The following PAG1 variants were observed in gnomAD, a reference collection of about 807,000 sequenced individuals.
PAG1 encodes the protein phosphoprotein associated with glycosphingolipid-enriched microdomains 1.
A neutral mutation model predicts 31.7 loss-of-function variants in PAG1; 23 were observed. That is an observed-to-expected ratio of 0.73 (90% CI 0.52 to 1.03). The LOEUF (loss-of-function observed/expected upper bound fraction) is 1.03. Ranked by LOEUF, PAG1 falls within the 50% of genes least tolerant of loss-of-function variation. The pLI, the probability that PAG1 is intolerant of heterozygous loss-of-function variation, is 0.00. For synonymous variants in PAG1, 214 were observed against 210.3 expected, an observed-to-expected ratio of 1.02 and a Z score of -0.15; for missense variants, 473 against 540.7, an observed-to-expected ratio of 0.87 and a Z score of 1.24.
At chr8:81,017,829 T>TG (rs1159815999) in intron 3 of PAG1, among the ~76,000 whole-genome samples, 5 of 152,214 alleles carry the variant, frequency 3.3e-5, no homozygotes, top group Non-Finnish European at 5.9e-5. Context: ...AGGGTATACC[T>TG]GCACATGGGA....
chr8:81,014,082 T>C (rs1278224944), intron 3 of PAG1, among the ~76,000 whole-genome samples: 2 of 152,334 alleles, frequency 1.3e-5, no homozygotes, highest in East Asian at 3.9e-4. Context: ...TCTCAGATTT[T>C]GGGCTTACAA....
chr8:81,103,153 GGAA>G lies in PAG1; in HGVS notation c.-234+8435_-234+8437del, dbSNP rs1274483385. 2.0e-3 allele frequency among the ~76,000 whole-genome samples: 281 copies of G among 140,620 alleles called. 1 individual carries two copies. The highest frequency in any genetic ancestry group is 6.5e-3 in the African/African-American group (216 of 33,352). 92.3% of individuals were successfully genotyped at this position (140,620 alleles called of 152,430 possible). A position where few individuals can be genotyped will look rare whatever the true frequency, so the allele number is the denominator to read the frequency against. The stretch of plus-strand genomic sequence containing the variant: ...GAATGCAAAACATGTTCATTTTGTG[GGAA>G]AAAAAAAAAAAAAAGCAGATTTTCC... On this transcript the variant is annotated intron_variant, in intron 1 of 8. Coordinates refer to ENST00000220597, the MANE Select transcript of PAG1 (RefSeq NM_018440.4).
chr8:81,032,058 A>G (rs1478497621), intron 2 of PAG1, among the ~76,000 whole-genome samples: 1 of 152,202 alleles, frequency 6.6e-6, no homozygotes, highest in African/African-American at 2.4e-5. Flanking sequence ...ACCGCAGAAA[A>G]AGTTAATGCA....
At chr8:81,106,715 G>T (rs1809699043) in intron 1 of PAG1, among the ~76,000 whole-genome samples, 1 of 152,090 alleles carries the variant, frequency 6.6e-6, no homozygotes, top group African/African-American at 2.4e-5. Flanking sequence ...AAAAATAGAG[G>T]GGGCAGGGCT....
At chr8:81,000,454 G>T (rs1034746351) in intron 3 of PAG1, among the ~76,000 whole-genome samples, 1 of 151,856 alleles carries the variant, frequency 6.6e-6, no homozygotes, top group Non-Finnish European at 1.5e-5. Context: ...TTCCTCTGTC[G>T]CCCAGGCTGG....
intron 1 of PAG1, among the ~76,000 whole-genome samples, chr8:81,077,635 C>A (rs551382070): frequency 6.6e-6 from 1 of 151,398 alleles, no homozygotes; most frequent in African/African-American, 2.4e-5. Flanking sequence ...GTTTTTTTTT[C>A]GCATTTAGAA....
At chr8:81,074,220 C>T (rs755871242) in intron 1 of PAG1, among the ~76,000 whole-genome samples, 4 of 152,108 alleles carry the variant, frequency 2.6e-5, no homozygotes, top group Non-Finnish European at 5.9e-5. Flanking sequence ...CCTGTGAGCA[C>T]AGTGATGTGT....
chr8:81,042,107 A>G (rs2623026), intron 2 of PAG1, among the ~76,000 whole-genome samples: 26,743 of 152,200 alleles, frequency 0.18, 2,370 homozygotes, highest in Middle Eastern at 0.26. Flanking sequence ...GTGACAGAAC[A>G]AGATTTGGGA....
chr8:80,985,515 T>C, intron 6 of PAG1, 138 bp from the exon 7 acceptor site: 1 of 795,556 alleles, frequency 1.3e-6, no homozygotes, highest in South Asian at 1.9e-5. Context: ...ATAGTTGTTA[T>C]GACCATCAGT....
chr8:81,085,973 T>C (rs901283468), intron 1 of PAG1, among the ~76,000 whole-genome samples: 9 of 45,626 alleles, frequency 2.0e-4, no homozygotes, highest in Non-Finnish European at 7.4e-5. Flanking sequence ...ATCTGGCTTG[T>C]TTTTTTTTTT....
At chr8:81,060,205 T>C (rs778827520) in intron 2 of PAG1, among the ~76,000 whole-genome samples, 5 of 152,228 alleles carry the variant, frequency 3.3e-5, no homozygotes, top group African/African-American at 9.6e-5. Flanking sequence ...CTTAGCATTG[T>C]AAAACAATTC....
intron 2 of PAG1, among the ~76,000 whole-genome samples, chr8:81,049,616 G>A (rs2130869823): frequency 6.6e-6 from 1 of 152,300 alleles, no homozygotes; most frequent in South Asian, 2.1e-4. Context: ...AATGCTAACT[G>A]GATGCTAATA....
At chr8:81,042,920 G>A (rs1367906826) in intron 2 of PAG1, among the ~76,000 whole-genome samples, 1 of 152,022 alleles carries the variant, frequency 6.6e-6, no homozygotes, top group Non-Finnish European at 1.5e-5. Context: ...CTCATCTCAC[G>A]GCACTGTTTC....
chr8:80,981,392 C>A (rs1807297088), intron 7 of PAG1, among the ~76,000 whole-genome samples: 1 of 151,994 alleles, frequency 6.6e-6, no homozygotes, highest in South Asian at 2.1e-4. Context: ...TGAACTCAAC[C>A]CTCTAGTGAG....
intron 1 of PAG1, among the ~76,000 whole-genome samples, chr8:81,071,820 T>G (rs1809098615): frequency 6.6e-6 from 1 of 152,052 alleles, no homozygotes; most frequent in African/African-American, 2.4e-5. Context: ...AAGAACAGGA[T>G]AGTTTGGCTC....
intron 3 of PAG1, among the ~76,000 whole-genome samples, chr8:81,007,627 A>ACC (rs1489674718): frequency 3.8e-5 from 4 of 106,218 alleles, no homozygotes; most frequent in Non-Finnish European, 7.2e-5. Flanking sequence ...ACAGAGCAAG[A>ACC]CTCTGTCTCA....
rs1339860218 is a variant in PAG1 at position 80,976,828 on chromosome 8, A to G, written c.1015T>C (p.Ser339Pro). 6.2e-7 allele frequency: 1 copy of G among 1,613,652 alleles called. No homozygotes were observed. The highest frequency in any genetic ancestry group is 8.5e-7 in the Non-Finnish European group (1 of 1,179,822). The change falls in exon 9 of 9, where the codon TCC becomes CCC. Residue 339 changes from serine (S) to proline (P), a missense_variant. Coordinates refer to ENST00000220597, the MANE Select transcript of PAG1 (RefSeq NM_018440.4). The part of the protein sequence containing the change: ...KSGQSLTVPE[S>P]TYTSIQGDPQ... Reference sequence around the variant, plus strand: ...TCCCCTTGAATGGAGGTGTAGGTGGACTCCGGAACTGTAAGCGACTGCCCC... The same window carrying G: ...TCCCCTTGAATGGAGGTGTAGGTGGGCTCCGGAACTGTAAGCGACTGCCCC...
intron 2 of PAG1, among the ~76,000 whole-genome samples, chr8:81,064,205 G>GAATGGTT (rs1808966464): frequency 6.6e-6 from 1 of 152,198 alleles, no homozygotes; most frequent in African/African-American, 2.4e-5. Context: ...TCCACAGGCA[G>GAATGGTT]GGGGAGTGGG....
intron 3 of PAG1, among the ~76,000 whole-genome samples, chr8:81,004,853 C>G (rs1213514982): frequency 6.6e-6 from 1 of 152,164 alleles, no homozygotes; most frequent in African/African-American, 2.4e-5. Flanking sequence ...TTTGCATGTT[C>G]ACACGGTGGA....
Sources: gnomAD v4.1 joint callset for allele counts (sites outside exome capture counted in the v4.1 genomes callset) on GRCh38, gnomAD v4.1.1 for gene constraint, MANE v1.5 for transcripts, NCBI Gene and HGNC (gene_info 2026-07-23, HGNC 2026-07-21) for gene names.